NCAM2: variants seen among roughly 807,000 people sequenced by gnomAD.
NCAM2 encodes the protein N-CAM-2.
Under a neutral mutation model 98.1 loss-of-function variants are expected in NCAM2, and 30 were observed. That is an observed-to-expected ratio of 0.31 (90% CI 0.23 to 0.41). NCAM2 has a LOEUF of 0.41. Among genes scored for constraint, NCAM2 ranks in the 10% least tolerant of loss-of-function variants. The pLI is 1.00. For synonymous variants in NCAM2, 368 were observed against 342.4 expected (o/e 1.07, Z -0.83); for missense variants, 867 against 1,005.8 (o/e 0.86, Z 1.87).
chr21:21,420,383 A>C (rs13052804), intron 11 of NCAM2, among the ~76,000 whole-genome samples: 4 of 151,848 alleles, frequency 2.6e-5, no homozygotes, highest in Non-Finnish European at 5.9e-5. Context: ...CTGATAAGGA[A>C]TCCTAAAATA....
At chr21:21,534,788 G>A (rs1989894117) in intron 17 of NCAM2, 132 bp downstream of exon 17, 1 of 938,276 alleles carries the variant, frequency 1.1e-6, no homozygotes, top group South Asian at 4.3e-5. Flanking sequence ...TTTGATGAAA[G>A]TACATGTGAA....
intron 5 of NCAM2, among the ~76,000 whole-genome samples, chr21:21,298,089 C>T (rs1227590089): frequency 6.6e-6 from 1 of 151,674 alleles, no homozygotes; most frequent in Non-Finnish European, 1.5e-5. Context: ...AACCCCCAGG[C>T]AGTAATTTTT....
At chr21:21,092,093 C>G (rs1338912372) in intron 1 of NCAM2, among the ~76,000 whole-genome samples, 1 of 151,880 alleles carries the variant, frequency 6.6e-6, no homozygotes, top group Non-Finnish European at 1.5e-5. Context: ...ATGGATAGAC[C>G]TTGTACAAAG....
chr21:21,383,274 G>A (rs906645720), intron 9 of NCAM2, among the ~76,000 whole-genome samples: 1 of 152,120 alleles, frequency 6.6e-6, no homozygotes, highest in Non-Finnish European at 1.5e-5. Context: ...CAAAGCTTTT[G>A]CTGTGCTGGT....
intron 1 of NCAM2, among the ~76,000 whole-genome samples, chr21:21,009,717 A>T (rs1015195783): frequency 1.3e-5 from 2 of 152,162 alleles, no homozygotes; most frequent in African/African-American, 4.8e-5. Flanking sequence ...AAAGTTGATT[A>T]TTCATTCTAT....
chr21:21,042,876 G>A (rs1428006178), intron 1 of NCAM2, among the ~76,000 whole-genome samples: 1 of 152,096 alleles, frequency 6.6e-6, no homozygotes, highest in East Asian at 1.9e-4. Flanking sequence ...ACATATTACT[G>A]TACTTTATCT....
chr21:21,307,791 T>A lies in NCAM2; in HGVS notation c.619+15550T>A, dbSNP rs190144758. ...CCATACTTGGAATATTTCTGACACA[T>A]CTCTCTTCTGCTGCATCTCTTCTGC... On this transcript the variant is annotated intron_variant, in intron 5 of 17. Transcript: ENST00000400546. Among the ~76,000 whole-genome samples the A allele has an allele frequency of 4.6e-5, 7 of 152,218 alleles. No individual in the cohort carries two copies. In the East Asian group the frequency reaches 1.4e-3, roughly 29 times the overall value.
At chr21:21,508,377 G>C (rs1161702186) in intron 15 of NCAM2, among the ~76,000 whole-genome samples, 3 of 152,016 alleles carry the variant, frequency 2.0e-5, no homozygotes, top group Non-Finnish European at 4.4e-5. Flanking sequence ...TCAAGTTTAA[G>C]TTTTAAAACT....
intron 1 of NCAM2, among the ~76,000 whole-genome samples, chr21:21,234,698 C>G (rs2070751070): frequency 6.6e-6 from 1 of 151,916 alleles, no homozygotes; most frequent in Non-Finnish European, 1.5e-5. Context: ...ACCTCTTAAC[C>G]CAAGCTTTTC....
chr21:21,106,314 C>CAAAAAAAAA (rs202018731), intron 1 of NCAM2, among the ~76,000 whole-genome samples: 3 of 103,486 alleles, frequency 2.9e-5, no homozygotes, highest in Admixed American at 9.7e-5. Flanking sequence ...GTCTCAAAAG[C>CAAAAAAAAA]AAAAAAAAAA....
chr21:21,219,341 T>C (rs755864337), intron 1 of NCAM2, among the ~76,000 whole-genome samples: 3 of 152,114 alleles, frequency 2.0e-5, no homozygotes, highest in Non-Finnish European at 4.4e-5. Flanking sequence ...CAAAAGTAAA[T>C]TGGCTTAAGT....
intron 1 of NCAM2, among the ~76,000 whole-genome samples, chr21:21,271,541 G>A (rs2072499076): frequency 6.6e-6 from 1 of 152,104 alleles, no homozygotes; most frequent in African/African-American, 2.4e-5. Context: ...ATTATGTAAT[G>A]CTTATCAAGC....
chr21:21,353,215 A>T (rs1335301158), intron 8 of NCAM2, among the ~76,000 whole-genome samples: 1 of 152,150 alleles, frequency 6.6e-6, no homozygotes, highest in South Asian at 2.1e-4. Context: ...CACACAAGAG[A>T]CTAGATAAAA....
intron 9 of NCAM2, among the ~76,000 whole-genome samples, chr21:21,404,251 A>C (rs1341840736): frequency 6.6e-6 from 1 of 152,188 alleles, no homozygotes; most frequent in Non-Finnish European, 1.5e-5. Flanking sequence ...ACATATGTCA[A>C]TATATTGTAT....
intron 1 of NCAM2, among the ~76,000 whole-genome samples, chr21:21,190,938 A>C (rs2068800828): frequency 6.6e-6 from 1 of 152,188 alleles, no homozygotes; most frequent in Admixed American, 6.5e-5. Context: ...AATTACAGTT[A>C]GTTGGATATC....
intron 10 of NCAM2, among the ~76,000 whole-genome samples, chr21:21,412,567 A>G (rs1026169675): frequency 6.6e-6 from 1 of 152,180 alleles, no homozygotes; most frequent in African/African-American, 2.4e-5. Flanking sequence ...TACATACAAC[A>G]TAGTATATAG....
chr21:21,196,848 G>A (rs988017460), intron 1 of NCAM2, among the ~76,000 whole-genome samples: 2 of 152,188 alleles, frequency 1.3e-5, no homozygotes, highest in Admixed American at 6.5e-5. Flanking sequence ...GGATCATGGG[G>A]GCCGTTTCTC....
At chr21:21,321,810 A>G (rs1310313900) in intron 5 of NCAM2, among the ~76,000 whole-genome samples, 1 of 152,176 alleles carries the variant, frequency 6.6e-6, no homozygotes, top group Non-Finnish European at 1.5e-5. Flanking sequence ...AAAAGTCAAA[A>G]AATAACAGGT....
At chr21:21,159,601 A>G (rs1057480432) in intron 1 of NCAM2, among the ~76,000 whole-genome samples, 1 of 152,150 alleles carries the variant, frequency 6.6e-6, no homozygotes, top group Middle Eastern at 3.2e-3. Context: ...TTTATAGCCT[A>G]GGAGCAATAA....
Sources: allele counts gnomAD v4.1 joint callset (sites outside exome capture counted in the v4.1 genomes callset), GRCh38; gene constraint gnomAD v4.1.1; transcripts MANE v1.5; gene names NCBI Gene and HGNC (gene_info 2026-07-23, HGNC 2026-07-21).